Variants in CFAP61 observed in about 807,000 individuals in gnomAD.
CFAP61 encodes cilia- and flagella-associated protein 61.
A neutral mutation model predicts 135.6 loss-of-function variants in CFAP61; 107 were observed. The observed-to-expected ratio is 0.79, with a 90% CI of 0.67 to 0.93. CFAP61 has a LOEUF of 0.93. CFAP61 is among the 40% of genes least tolerant of loss of function. The pLI, the probability that CFAP61 is intolerant of heterozygous loss-of-function variation, is 0.00. For missense variants in CFAP61, 1,507 were observed against 1,556.2 expected (o/e 0.97, Z 0.53); for synonymous variants, 575 against 578.5 (o/e 0.99, Z 0.09).
intron 11 of CFAP61, among the ~76,000 whole-genome samples, chr20:20,166,163 A>C (rs1462731358): frequency 6.6e-6 from 1 of 152,242 alleles, no homozygotes; most frequent in Non-Finnish European, 1.5e-5. Context: ...TGGCTTTTCA[A>C]ATGCACAGAG....
chr20:20,216,613 ATTGCTG>A (rs1407385404), intron 17 of CFAP61, among the ~76,000 whole-genome samples: 1 of 152,158 alleles, frequency 6.6e-6, no homozygotes, highest in Admixed American at 6.5e-5. Flanking sequence ...CAGTATTGTT[ATTGCTG>A]TTTGCTTGGT....
intron 13 of CFAP61, among the ~76,000 whole-genome samples, chr20:20,174,399 G>A (rs746360511): frequency 4.6e-5 from 7 of 152,288 alleles, no homozygotes; most frequent in African/African-American, 1.2e-4. Context: ...GACATCCCTC[G>A]AAACCCACAT....
intron 8 of CFAP61, among the ~76,000 whole-genome samples, chr20:20,117,222 T>C (rs1355223744): frequency 6.6e-6 from 1 of 152,084 alleles, no homozygotes; most frequent in Non-Finnish European, 1.5e-5. Context: ...CACACGCCTG[T>C]AGTACCAGCT....
At position 20,084,989 on chromosome 20, in the gene CFAP61, A is replaced by T. The variant is rs2046694804; in HGVS notation, c.567-5855A>T. ...GGAAGTTAAAATAAAATATTGTATAATTGATGACGTTAACAAGCACATTGC... is the reference window on the plus strand; with the variant it reads ...GGAAGTTAAAATAAAATATTGTATATTTGATGACGTTAACAAGCACATTGC... On this transcript the variant is annotated intron_variant, in intron 6 of 26. Coordinates refer to ENST00000245957, the MANE Select transcript of CFAP61 (RefSeq NM_015585.4). 7.9e-6 allele frequency: 3 copies of T among 380,658 alleles called. No individual in the cohort carries two copies. In the South Asian group the frequency reaches 3.2e-4, roughly 41 times the overall value. 23.6% of individuals were successfully genotyped at this position (380,658 alleles called of 1,614,324 possible). A position where few individuals can be genotyped will look rare whatever the true frequency, so the allele number is the denominator to read the frequency against.
At chr20:20,172,738 A>G (rs557246075) in intron 13 of CFAP61, among the ~76,000 whole-genome samples, 1 of 152,344 alleles carries the variant, frequency 6.6e-6, no homozygotes, top group East Asian at 1.9e-4. Flanking sequence ...ATGAACATCC[A>G]GCACTAGATT....
Position 20,288,918 on chromosome 20 carries a change from A to G in CFAP61, c.3106A>G (p.Lys1036Glu), listed in dbSNP as rs773724216. 2.5e-6 allele frequency: 4 copies of G among 1,607,696 alleles called. No homozygotes were observed. In the South Asian group the frequency reaches 4.4e-5, roughly 18 times the overall value. ...ANLDRLIPMYKGAKIQGGILP... is the reference protein window; with the variant it reads ...ANLDRLIPMYEGAKIQGGILP... ...TCTTGACCGGCTCATCCCCATGTAC[A>G]AGGGAGCCAAGATTCAAGGTATACG... The change falls in exon 23 of 27, where the codon AAG becomes GAG. Residue 1036 changes from lysine to glutamate, a missense_variant. Transcript: ENST00000245957.
chr20:20,077,920 C>T (rs1002334195), intron 6 of CFAP61, among the ~76,000 whole-genome samples: 9 of 152,176 alleles, frequency 5.9e-5, no homozygotes, highest in African/African-American at 2.2e-4. Context: ...ATGCCTGACT[C>T]TTAGTTAATT....
At chr20:20,201,536 C>T (rs2056620953) in intron 17 of CFAP61, among the ~76,000 whole-genome samples, 1 of 152,160 alleles carries the variant, frequency 6.6e-6, no homozygotes, top group African/African-American at 2.4e-5. Context: ...GGATGGGCCA[C>T]CATGTGGTCT....
At chr20:20,346,907 G>T (rs929222796) in intron 26 of CFAP61, among the ~76,000 whole-genome samples, 4 of 152,124 alleles carry the variant, frequency 2.6e-5, no homozygotes, top group African/African-American at 9.7e-5. Flanking sequence ...AAGCCAAGTG[G>T]ACCCAACAGT....
At chr20:20,287,056 TC>T (rs2054635505) in intron 22 of CFAP61, among the ~76,000 whole-genome samples, 1 of 152,126 alleles carries the variant, frequency 6.6e-6, no homozygotes, top group East Asian at 1.9e-4. Context: ...GGGTAGGAAA[TC>T]TATTTTTTAT....
chr20:20,292,165 A>G (rs969132124), intron 24 of CFAP61, among the ~76,000 whole-genome samples: 4 of 152,086 alleles, frequency 2.6e-5, no homozygotes, highest in African/African-American at 9.7e-5. Context: ...GTTCTTCAGC[A>G]TCTGCATTTC....
chr20:20,098,880 C>G, intron 8 of CFAP61, 66 bp downstream of exon 8: 2 of 1,401,768 alleles, frequency 1.4e-6, no homozygotes, highest in Non-Finnish European at 2.0e-6. Context: ...TTGCGCTCTT[C>G]GCTAAGTGAT....
intron 18 of CFAP61, 123 bp downstream of exon 18, chr20:20,228,499 A>G (rs1391702503): frequency 8.4e-6 from 6 of 711,410 alleles, no homozygotes; most frequent in Non-Finnish European, 1.2e-5. Flanking sequence ...CACCCTGCCT[A>G]TGTGGATGGA....
chr20:20,352,579 A>G (rs983408740), intron 26 of CFAP61, among the ~76,000 whole-genome samples: 1 of 152,210 alleles, frequency 6.6e-6, no homozygotes, highest in Non-Finnish European at 1.5e-5. Context: ...AGAACACACA[A>G]TGGGGAAAGG....
At chr20:20,137,147 G>A (rs2050993002) in intron 8 of CFAP61, among the ~76,000 whole-genome samples, 1 of 152,188 alleles carries the variant, frequency 6.6e-6, no homozygotes, top group African/African-American at 2.4e-5. Flanking sequence ...TGAAGCTGGG[G>A]GAGGGGTGAC....
At chr20:20,341,720 G>A (rs990445489) in intron 25 of CFAP61, 111 bp from the exon 26 acceptor site, 16 of 669,202 alleles carry the variant, frequency 2.4e-5, no homozygotes, top group Middle Eastern at 7.7e-4. Context: ...ATGAGCAAAC[G>A]ATTGCAATGA....
intron 22 of CFAP61, among the ~76,000 whole-genome samples, chr20:20,278,574 A>C (rs1036102109): frequency 6.6e-6 from 1 of 152,176 alleles, no homozygotes; most frequent in Non-Finnish European, 1.5e-5. Flanking sequence ...GCCTGCTAAC[A>C]TCCAGTGGGC....
intron 20 of CFAP61, among the ~76,000 whole-genome samples, chr20:20,254,398 G>A (rs1165186916): frequency 1.3e-5 from 2 of 151,800 alleles, no homozygotes; most frequent in African/African-American, 4.8e-5. Context: ...TGCCACGACT[G>A]CGTACTTTGG....
intron 25 of CFAP61, among the ~76,000 whole-genome samples, chr20:20,300,548 A>T (rs1006083747): frequency 2.0e-5 from 3 of 152,102 alleles, no homozygotes; most frequent in Non-Finnish European, 4.4e-5. Flanking sequence ...AAATAAGGAC[A>T]TAGATGAATA....
Sources: gnomAD v4.1 joint callset for allele counts (sites outside exome capture counted in the v4.1 genomes callset) on GRCh38, gnomAD v4.1.1 for gene constraint, MANE v1.5 for transcripts, NCBI Gene and HGNC (gene_info 2026-07-23, HGNC 2026-07-21) for gene names.